The following COCH variants were observed in gnomAD, a reference collection of about 807,000 sequenced individuals.
COCH encodes the protein cochlin.
A neutral mutation model predicts 54.8 loss-of-function variants in COCH; 40 were observed. The ratio of observed to expected loss-of-function variants is 0.73; its 90% confidence interval spans 0.57 to 0.95. COCH has a LOEUF of 0.95. Among genes scored for constraint, COCH ranks in the 40% least tolerant of loss-of-function variants. The pLI, the probability that COCH is intolerant of heterozygous loss-of-function variation, is 0.00. For missense variants in COCH, 605 were observed against 675.0 expected (o/e 0.90, Z 1.15); for synonymous variants, 256 against 237.9 (o/e 1.08, Z -0.70).
downstream of COCH, chr14:30,895,328 A>T: frequency 7.2e-7 from 1 of 1,384,508 alleles, no homozygotes; most frequent in Admixed American, 2.5e-5. Context: ...ATGTAGTGTC[A>T]TATCAGTAAC....
chr14:30,878,613 C>T lies in COCH; in HGVS notation c.240-198C>T, dbSNP rs572389670. ...TGGAGGTTGCAGTGAGCCGAGATCG[C>T]GCCACTGCACTCCATCCTGGGCTAC... On this transcript the variant is annotated intron_variant, in intron 4 of 11. Coordinates refer to ENST00000396618, the MANE Select transcript of COCH (RefSeq NM_004086.3). Among the ~76,000 whole-genome samples the T allele has an allele frequency of 2.0e-5, 3 of 152,216 alleles. No individual in the cohort carries two copies. The East Asian group carries it at 5.8e-4, about 29-fold the overall frequency.
intron 11 of COCH, among the ~76,000 whole-genome samples, chr14:30,887,016 C>A (rs1161972298): frequency 6.6e-6 from 1 of 152,150 alleles, no homozygotes; most frequent in Admixed American, 6.5e-5. Context: ...GCCACCACAC[C>A]CAACCCTAAC....
intron 10 of COCH, 32 bp downstream of exon 10, chr14:30,885,652 T>C: frequency 2.0e-6 from 3 of 1,473,388 alleles, no homozygotes; most frequent in Non-Finnish European, 2.9e-6. Flanking sequence ...TCTGTTACAG[T>C]GATGGGTATT....
chr14:30,890,548 T>A lies in COCH; in HGVS notation c.*757T>A. 1.0e-6 allele frequency: 1 copy of A among 954,966 alleles called. No homozygotes were observed. The allele number at this position is 954,966 out of a possible 1,614,324, so 59.2% of individuals were successfully genotyped here. On this transcript the variant is annotated 3_prime_UTR_variant, in exon 12 of 12. Transcript: ENST00000396618. ...TATAAACATTTAAAGACAAAGACAT[T>A]TCAAATAACTGCAGAAAAAATATTG...
At chr14:30,882,120 G>GTTTTTTTTTTTTTGTTTTGTTTT (rs1895619344) in intron 8 of COCH, among the ~76,000 whole-genome samples, 15 of 67,892 alleles carry the variant, frequency 2.2e-4, no homozygotes, top group African/African-American at 9.9e-4. Flanking sequence ...CTATAAAATG[G>GTTTTTTTTTTTTTGTTTTGTTTT]TTTTTTTTTT....
rs773492298 is a variant in COCH, at chr14:30,877,737, A to C, written c.239+9A>C. The C allele has an allele frequency of 6.3e-5, 101 of 1,614,054 alleles. 1 individual carries two copies. Among genetic ancestry groups the C allele is most frequent in the South Asian group, 5.5e-4 (50 of 91,088 alleles). ...GGGGCTGCTGTCCACAGGTAAGCCC[A>C]AACACACCAGGGTGGGAGAGAAATG... On this transcript the variant is annotated intron_variant, in intron 4 of 11. Transcript: ENST00000396618. This position sits in a 1 kb window ranked among gnomAD's most constrained non-coding sequence, Gnocchi z 8.6.
In COCH at chr14:30,889,759, A is replaced by G. The variant is rs1279069352; in HGVS notation, c.1621A>G (p.Ile541Val). ...EPIVSDVIRGICRDFLESQQ is the reference protein window; with the variant it reads ...EPIVSDVIRGVCRDFLESQQ ...AATTGTTTCTGATGTCATCAGAGGCATTTGTAGAGATTTCTTAGAATCCCA... is the reference window on the plus strand; with the variant it reads ...AATTGTTTCTGATGTCATCAGAGGCGTTTGTAGAGATTTCTTAGAATCCCA... The change falls in exon 12 of 12, where the codon ATT becomes GTT. Residue 541 changes from isoleucine (I) to valine (V), a missense_variant. Ile to Val is a conservative substitution (Grantham distance 29, BLOSUM62 3). Transcript: ENST00000396618. 2.5e-6 allele frequency: 4 copies of G among 1,610,474 alleles called. No homozygotes were observed. The highest frequency in any genetic ancestry group is 2.5e-6 in the Non-Finnish European group (3 of 1,177,152).
chr14:30,890,684 C>A, downstream of COCH: 2 of 527,158 alleles, frequency 3.8e-6, no homozygotes, highest in Non-Finnish European at 4.9e-6. Flanking sequence ...TGTGGAAAGA[C>A]CAATCTGAAT....
Position 30,882,889 on chromosome 14 carries a change from T to TA in COCH, c.630-1657dup, listed in dbSNP as rs563852085. On this transcript the variant is annotated intron_variant, in intron 8 of 11. Coordinates refer to ENST00000396618, the MANE Select transcript of COCH (RefSeq NM_004086.3). ...GGACAACAGAGAAAGACCCCATCTC[T>TA]AAAAAAACAAATAAATAGCGAAATT... is the stretch of plus-strand genomic sequence containing the variant. Among the ~76,000 whole-genome samples, 29 of 152,294 alleles carry TA rather than the reference T, an allele frequency of 1.9e-4. 1 individual carries two copies. The highest frequency in any genetic ancestry group is 5.3e-4 in the African/African-American group (22 of 41,558).
At chr14:30,878,160 A>G (rs1021844717) in intron 4 of COCH, among the ~76,000 whole-genome samples, 18 of 152,226 alleles carry the variant, frequency 1.2e-4, no homozygotes, top group African/African-American at 3.9e-4. Flanking sequence ...CCTGTAGTAG[A>G]ATAGCCAGTA....
downstream of COCH, chr14:30,895,053 CAAAAAAAAAAAAAA>C (rs35858438): frequency 6.4e-4 from 17 of 26,562 alleles, no homozygotes; most frequent in East Asian, 0.011. Flanking sequence ...ACACAGAGTC[CAAAAAAAAAAAAAA>C]AAAAAAAAAA....
chr14:30,891,564 T>C (rs1362207709), downstream of COCH, among the ~76,000 whole-genome samples: 1 of 152,212 alleles, frequency 6.6e-6, no homozygotes, highest in Non-Finnish European at 1.5e-5. Context: ...GCTTCAAACA[T>C]GACTGAATCA....
chr14:30,892,432 A>C (rs2138908179), downstream of COCH, among the ~76,000 whole-genome samples: 1 of 152,326 alleles, frequency 6.6e-6, no homozygotes, highest in South Asian at 2.1e-4. Flanking sequence ...GAAGAAACAG[A>C]AGAGGAGAAA....
downstream of COCH, among the ~76,000 whole-genome samples, chr14:30,893,179 G>T (rs8022032): frequency 7.3e-6 from 1 of 136,868 alleles, no homozygotes; most frequent in Non-Finnish European, 1.5e-5. Flanking sequence ...TTTTTGAGAC[G>T]GAGTCTCTGT....
intron 8 of COCH, among the ~76,000 whole-genome samples, chr14:30,881,754 T>A (rs559318740): frequency 1.1e-3 from 168 of 151,972 alleles, no homozygotes; most frequent in African/African-American, 3.8e-3. Flanking sequence ...GTCAGGAGAT[T>A]GAGACCATCC....
chr14:30,880,327 A>T (rs571367753), intron 6 of COCH, 125 bp from the exon 7 acceptor site: 2 of 1,410,018 alleles, frequency 1.4e-6, no homozygotes, highest in African/African-American at 2.9e-5. Context: ...ATCCTGAGGA[A>T]ATTAATTTTT....
chr14:30,888,279 A>G (rs1044172864), intron 11 of COCH, among the ~76,000 whole-genome samples: 8 of 152,030 alleles, frequency 5.3e-5, no homozygotes, highest in Admixed American at 5.2e-4. Flanking sequence ...AGAGTCAGGA[A>G]AAGGAGACTG....
At chr14:30,886,765 A>C (rs908757068) in intron 11 of COCH, among the ~76,000 whole-genome samples, 3 of 152,212 alleles carry the variant, frequency 2.0e-5, no homozygotes, top group Non-Finnish European at 4.4e-5. Context: ...CTCTGTCACC[A>C]GGCTGGAGTG....
intron 3 of COCH, chr14:30,875,477 G>GT (rs1248406877): frequency 2.3e-5 from 12 of 524,116 alleles, no homozygotes; most frequent in Admixed American, 7.1e-5. Flanking sequence ...GCTCTGCTGC[G>GT]TTTGGGGGTG....
Sources: allele counts gnomAD v4.1 joint callset (sites outside exome capture counted in the v4.1 genomes callset), GRCh38; gene constraint gnomAD v4.1.1; non-coding constraint Gnocchi (gnomAD v3.1); transcripts MANE v1.5; gene names NCBI Gene and HGNC (gene_info 2026-07-23, HGNC 2026-07-21).